The following ZC3H13 variants were observed in gnomAD, a reference collection of about 807,000 sequenced individuals.
The protein encoded by ZC3H13 is zinc finger CCCH-type containing 13.
ZC3H13 carries 64 observed loss-of-function variants against 204.1 expected under a neutral mutation model. The ratio of observed to expected loss-of-function variants is 0.31; its 90% CI spans 0.26 to 0.39. The LOEUF is 0.39. Among genes scored for constraint, ZC3H13 ranks in the 10% least tolerant of loss-of-function variants. The pLI is 1.00. For synonymous variants in ZC3H13, 667 were observed against 693.7 expected (o/e 0.96, Z 0.60); for missense variants, 1,833 against 2,082.7 (o/e 0.88, Z 2.33).
rs755705252 is a variant in ZC3H13 at position 45,985,573 on chromosome 13, T to A, written c.1444A>T (p.Met482Leu). The A allele has an allele frequency of 6.2e-7, 1 of 1,614,070 alleles. No homozygotes were observed. Residue 482 changes from methionine (M) to leucine (L), a missense_variant, in exon 10 of 19, where the codon ATG becomes TTG. Coordinates refer to ENST00000679008, the MANE Select transcript of ZC3H13 (RefSeq NM_001330564.2). ...TTGGTATCTCTGCTATAATCTCTCA[T>A]CTCCCTTGAGTCCCGCATGTCTCTG... ...DSRDMRDSRE[M>L]RDYSRDTKES...
chr13:46,018,280 GT>G (rs1347332681), intron 5 of ZC3H13, among the ~76,000 whole-genome samples: 2 of 152,140 alleles, frequency 1.3e-5, no homozygotes, highest in Non-Finnish European at 2.9e-5. Context: ...TTAGTGGAGA[GT>G]TGGGTCAGAA....
intron 4 of ZC3H13, among the ~76,000 whole-genome samples, chr13:46,028,694 T>C (rs2042692664): frequency 6.6e-6 from 1 of 151,930 alleles, no homozygotes; most frequent in South Asian, 2.1e-4. Flanking sequence ...ACAACACAAT[T>C]TTAATAAACA....
At chr13:45,973,471 T>G (rs1952757090) in intron 12 of ZC3H13, among the ~76,000 whole-genome samples, 1 of 152,180 alleles carries the variant, frequency 6.6e-6, no homozygotes, top group African/African-American at 2.4e-5. Flanking sequence ...TAAGCAGATA[T>G]CAGAAGCATG....
Position 45,967,490 on chromosome 13 carries a change from G to C in ZC3H13, c.4321+14C>G, listed in dbSNP as rs776293061. The stretch of plus-strand genomic sequence containing the variant: ...AAATAAAGCAGTATCACAGACAACA[G>C]AGGTAGCACTCACCTTCCAGACTCT... On this transcript the variant is annotated intron_variant, in intron 15 of 18. Transcript: ENST00000679008. 22 of 1,529,258 alleles carry C rather than the reference G, an allele frequency of 1.4e-5. No individual in the cohort carries two copies. The Admixed American group carries it at 4.9e-4, about 34-fold the overall frequency. The allele number at this position is 1,529,258 out of a possible 1,614,324, so 94.7% of individuals were successfully genotyped here.
Position 45,985,422 on chromosome 13 carries a change from T to C in ZC3H13, c.1595A>G (p.Asn532Ser). The C allele has an allele frequency of 6.2e-7, 1 of 1,614,234 alleles. No individual in the cohort carries two copies. ...ACGAGAACTTTCTTCTCTCAAATGG[T>C]TTCGGCCATAACTCCGGGATTCTTC... Reference protein sequence around the residue: ...YPEESRSYGRNHLREESSRTE... With the variant: ...YPEESRSYGRSHLREESSRTE... Residue 532 changes from asparagine (N) to serine (S), a missense_variant, in exon 10 of 19, where the codon AAC becomes AGC. Around this residue, in one of 5 missense-constraint regions of ZC3H13, gnomAD observed 1,574 missense variants for 1,757.2 expected, o/e 0.90. Transcript: ENST00000679008.
At chr13:46,052,286 G>C (rs2044515515) in intron 1 of ZC3H13, 118 bp downstream of exon 1, 1 of 370,188 alleles carries the variant, frequency 2.7e-6, no homozygotes, top group African/African-American at 2.1e-5. Context: ...GGATGCTCAA[G>C]GAAAGCTCAA....
At chr13:45,981,710 T>C (rs1179960029) in intron 10 of ZC3H13, among the ~76,000 whole-genome samples, 1 of 152,172 alleles carries the variant, frequency 6.6e-6, no homozygotes, top group Non-Finnish European at 1.5e-5. Context: ...CATTGTGGTT[T>C]TGATTTGCAT....
chr13:46,013,290 T>C (rs949702886), intron 5 of ZC3H13, among the ~76,000 whole-genome samples: 1 of 152,010 alleles, frequency 6.6e-6, no homozygotes, highest in Non-Finnish European at 1.5e-5. Flanking sequence ...GGCGCGTGCC[T>C]AGAGTCCCAG....
At chr13:46,034,808 G>A (rs2043111239) in intron 4 of ZC3H13, among the ~76,000 whole-genome samples, 1 of 152,034 alleles carries the variant, frequency 6.6e-6, no homozygotes, top group Non-Finnish European at 1.5e-5. Flanking sequence ...CTAAGGAAGG[G>A]ACATCTGGGC....
At chr13:45,993,645 T>C (rs143887874) in intron 8 of ZC3H13, among the ~76,000 whole-genome samples, 239 of 152,284 alleles carry the variant, frequency 1.6e-3, no homozygotes, top group Non-Finnish European at 2.4e-3. Flanking sequence ...CCATTTAAAA[T>C]ATAACAAGAT....
At chr13:46,035,797 T>C (rs978341472) in intron 4 of ZC3H13, among the ~76,000 whole-genome samples, 12 of 152,346 alleles carry the variant, frequency 7.9e-5, no homozygotes, top group African/African-American at 2.6e-4. Context: ...GGTACATCTA[T>C]CCTACAAGTT....
At chr13:45,973,215 T>C (rs563564676) in intron 12 of ZC3H13, among the ~76,000 whole-genome samples, 2 of 152,158 alleles carry the variant, frequency 1.3e-5, no homozygotes, top group Non-Finnish European at 2.9e-5. Flanking sequence ...TTCAAGGAAA[T>C]ACCTAAATAA....
At chr13:46,008,098 T>G (rs2041279448) in intron 7 of ZC3H13, among the ~76,000 whole-genome samples, 1 of 152,100 alleles carries the variant, frequency 6.6e-6, no homozygotes, top group Admixed American at 6.5e-5. Flanking sequence ...ATCTTTCCAT[T>G]CAATATGATA....
At chr13:46,029,417 T>A (rs1315952655) in intron 4 of ZC3H13, among the ~76,000 whole-genome samples, 1 of 151,478 alleles carries the variant, frequency 6.6e-6, no homozygotes. Flanking sequence ...ACAGAAGAGA[T>A]GGACTACTTC....
intron 8 of ZC3H13, among the ~76,000 whole-genome samples, chr13:45,998,522 G>A (rs898301211): frequency 1.2e-4 from 18 of 151,724 alleles, no homozygotes; most frequent in Non-Finnish European, 2.2e-4. Context: ...GGTGGTGGGC[G>A]CCTGTAGTCC....
At chr13:46,023,148 G>A (rs942411658) in intron 4 of ZC3H13, among the ~76,000 whole-genome samples, 1 of 152,070 alleles carries the variant, frequency 6.6e-6, no homozygotes, top group Non-Finnish European at 1.5e-5. Flanking sequence ...AAAATGGTTA[G>A]GAGGCTGTGT....
intron 4 of ZC3H13, among the ~76,000 whole-genome samples, chr13:46,029,478 G>T (rs1444012677): frequency 6.7e-6 from 1 of 149,244 alleles, no homozygotes; most frequent in Non-Finnish European, 1.5e-5. Flanking sequence ...GCCCAGGCTG[G>T]AGTGCAGTGG....
At position 46,052,673 on chromosome 13, in the gene ZC3H13, T is replaced by C. The variant is rs2044571299; in HGVS notation, c.-279A>G. 1 of 398,726 alleles carries C rather than the reference T, an allele frequency of 2.5e-6. No homozygotes were observed. Among genetic ancestry groups the C allele is most frequent in the African/African-American group, 2.1e-5 (1 of 48,614 alleles). The allele number at this position is 398,726 out of a possible 1,614,324, so 24.7% of individuals were successfully genotyped here. A position where few individuals can be genotyped will look rare whatever the true frequency, so the allele number is the denominator to read the frequency against. On this transcript the variant is annotated 5_prime_UTR_variant, in exon 1 of 19. Transcript: ENST00000679008. ...GAAAAATAACGAAGAGATTGTAGAT[T>C]AAGAAAAGGCAACAAAAACACTACC...
At chr13:46,037,876 A>C (rs920120286) in intron 4 of ZC3H13, among the ~76,000 whole-genome samples, 12 of 152,230 alleles carry the variant, frequency 7.9e-5, no homozygotes, top group African/African-American at 2.9e-4. Flanking sequence ...GAGATATTTT[A>C]CTTTCTTTTC....
Sources: allele counts gnomAD v4.1 joint callset (sites outside exome capture counted in the v4.1 genomes callset), GRCh38; gene constraint gnomAD v4.1.1; regional missense constraint gnomAD v4.1.1; transcripts MANE v1.5; gene names NCBI Gene and HGNC (gene_info 2026-07-23, HGNC 2026-07-21).